Variants in VSX2 observed in about 807,000 individuals in gnomAD.
The protein encoded by VSX2 is ceh-10 homeo domain containing homolog.
A neutral mutation model predicts 32.1 loss-of-function variants in VSX2; 28 were observed. That is an observed-to-expected ratio of 0.87 (90% confidence interval 0.65 to 1.20). The LOEUF (loss-of-function observed/expected upper bound fraction) is 1.20. VSX2 is among the 50% of genes most tolerant of loss of function. The pLI, the probability that VSX2 is intolerant of heterozygous loss-of-function variation, is 0.00. For synonymous variants in VSX2, 243 were observed against 214.1 expected (o/e 1.14, Z -1.18); for missense variants, 506 against 488.7 (o/e 1.04, Z -0.33).
intron 1 of VSX2, among the ~76,000 whole-genome samples, 178 bp downstream of exon 1, chr14:74,240,109 G>C (rs996326631): frequency 6.6e-6 from 1 of 152,216 alleles, no homozygotes; most frequent in African/African-American, 2.4e-5. Flanking sequence ...GGATGCTTCG[G>C]CGTCCGCAGG....
intron 3 of VSX2, among the ~76,000 whole-genome samples, chr14:74,255,912 T>C (rs2079259742): frequency 6.6e-6 from 1 of 152,244 alleles, no homozygotes; most frequent in South Asian, 2.1e-4. Context: ...TTTATCGTTT[T>C]TAGTGTGAAC....
chr14:74,257,202 G>A (rs1167908750), intron 3 of VSX2, among the ~76,000 whole-genome samples: 1 of 152,226 alleles, frequency 6.6e-6, no homozygotes, highest in Non-Finnish European at 1.5e-5. Context: ...ACGCAGGCCC[G>A]AGTTAGCACG....
chr14:74,245,920 G>A (rs11628616), intron 3 of VSX2, among the ~76,000 whole-genome samples: 4,361 of 152,262 alleles, frequency 0.029, 97 homozygotes, highest in Non-Finnish European at 0.044. Context: ...GGCTCACTAA[G>A]CCCTCCTCCT....
At chr14:74,253,080 C>T (rs976359008) in intron 3 of VSX2, among the ~76,000 whole-genome samples, 1 of 149,620 alleles carries the variant, frequency 6.7e-6, no homozygotes, top group South Asian at 2.1e-4. Context: ...AAAAGAGAAA[C>T]CCAGGGTCAT....
At chr14:74,245,069 C>A in intron 2 of VSX2, 96 bp from the exon 3 acceptor site, 2 of 1,557,828 alleles carry the variant, frequency 1.3e-6, no homozygotes, top group Non-Finnish European at 8.7e-7. Flanking sequence ...GGGTTCGGGG[C>A]CTGCCCAGGA....
rs2079311071 is a variant in VSX2, at chr14:74,261,987, G to C, written c.*1068G>C. ...AAGCCAAGCCTGGAGTAGGCCTGGG[G>C]CTATGCATACGCATTAAGGGCCTGC... On this transcript the variant is annotated 3_prime_UTR_variant, in exon 5 of 5. Coordinates refer to ENST00000261980, the MANE Select transcript of VSX2 (RefSeq NM_182894.3). 1 of 151,712 alleles carries C rather than the reference G, an allele frequency of 6.6e-6. No individual in the cohort carries two copies. Among genetic ancestry groups the C allele is most frequent in the South Asian group, 2.1e-4 (1 of 4,832 alleles). 9.4% of individuals were successfully genotyped at this position (151,712 alleles called of 1,614,324 possible).
At chr14:74,240,299 G>T (rs959144700) in intron 1 of VSX2, among the ~76,000 whole-genome samples, 16 of 152,168 alleles carry the variant, frequency 1.1e-4, no homozygotes, top group Non-Finnish European at 1.8e-4. Context: ...CTGCGGCCCC[G>T]GCCTGGTGTA....
intron 3 of VSX2, among the ~76,000 whole-genome samples, chr14:74,250,675 C>T (rs77966642): frequency 6.6e-6 from 1 of 151,604 alleles, no homozygotes; most frequent in East Asian, 1.9e-4. Flanking sequence ...GATCTCATCT[C>T]AGGATGGTTA....
intron 3 of VSX2, among the ~76,000 whole-genome samples, chr14:74,259,344 C>T (rs1214080498): frequency 6.6e-6 from 1 of 152,120 alleles, no homozygotes; most frequent in Non-Finnish European, 1.5e-5. Context: ...ACACTGGGTC[C>T]TGCGCACCTG....
intron 1 of VSX2, among the ~76,000 whole-genome samples, chr14:74,240,491 C>A (rs1175579739): frequency 2.0e-5 from 3 of 152,122 alleles, no homozygotes; most frequent in African/African-American, 7.2e-5. Context: ...GTAAGCGCCA[C>A]TATATACTGG....
In VSX2 at chr14:74,241,181, G is replaced by A. The variant is rs1395124261; in HGVS notation, c.371-1G>A. ...CGCATGTCCCTACGCCCGCTTTTCA[G>A]ATTCTGAAGATGTTTCCTCCAGCGA... On this transcript the variant is annotated splice_acceptor_variant, in intron 1 of 4. Transcript: ENST00000261980. LOFTEE classifies it high-confidence loss of function. The A allele has an allele frequency of 1.2e-6, 2 of 1,613,040 alleles. No individual in the cohort carries two copies. Among genetic ancestry groups the A allele is most frequent in the Non-Finnish European group, 1.7e-6 (2 of 1,179,986 alleles).
At chr14:74,256,612 C>T (rs2079264120) in intron 3 of VSX2, among the ~76,000 whole-genome samples, 1 of 151,934 alleles carries the variant, frequency 6.6e-6, no homozygotes, top group African/African-American at 2.4e-5. Context: ...AATTCCATCA[C>T]CAGGGGATTC....
chr14:74,257,470 A>G (rs1004620072), intron 3 of VSX2, among the ~76,000 whole-genome samples: 13 of 152,238 alleles, frequency 8.5e-5, no homozygotes, highest in Non-Finnish European at 1.3e-4. Flanking sequence ...AAGGCCGTGT[A>G]GCTCCCATGT....
intron 3 of VSX2, among the ~76,000 whole-genome samples, chr14:74,254,390 G>A (rs771976536): frequency 2.1e-5 from 3 of 145,758 alleles, no homozygotes; most frequent in Admixed American, 6.6e-5. Flanking sequence ...CAGCCTGGGC[G>A]ACAGACAGAG....
chr14:74,244,659 C>A (rs2079172276), intron 2 of VSX2, among the ~76,000 whole-genome samples: 1 of 152,002 alleles, frequency 6.6e-6, no homozygotes, highest in African/African-American at 2.4e-5. Context: ...GTAAGCCCCT[C>A]TTCTCTGTGC....
At chr14:74,260,308 T>C (rs1006674861) in intron 4 of VSX2, among the ~76,000 whole-genome samples, 11 of 152,066 alleles carry the variant, frequency 7.2e-5, no homozygotes, top group African/African-American at 2.2e-4. Flanking sequence ...CGGAATCCCA[T>C]GGGGGAGGGA....
chr14:74,260,738 G>A lies in VSX2; in HGVS notation c.905G>A (p.Arg302Lys), dbSNP rs1254437381. The change falls in exon 5 of 5, where the codon AGG (arginine) becomes AAG (lysine). Residue 302 changes from arginine to lysine, a missense_variant. Arg to Lys is a conservative substitution (Grantham distance 26). Coordinates refer to ENST00000261980, the MANE Select transcript of VSX2 (RefSeq NM_182894.3). ...AQAAISQEEL[R>K]ENSIAVLRAK... ...GCGGCCATCTCCCAGGAGGAACTGAGGGAGAACAGCATTGCGGTGCTCCGG... is the reference window on the plus strand; with the variant it reads ...GCGGCCATCTCCCAGGAGGAACTGAAGGAGAACAGCATTGCGGTGCTCCGG... 4 of 1,593,154 alleles carry A rather than the reference G, an allele frequency of 2.5e-6. No individual in the cohort carries two copies. The highest frequency in any genetic ancestry group is 2.6e-6 in the Non-Finnish European group (3 of 1,170,112).
intron 3 of VSX2, 85 bp downstream of exon 3, chr14:74,245,373 C>A: frequency 6.4e-7 from 1 of 1,569,040 alleles, no homozygotes. Flanking sequence ...CCCATGACCC[C>A]GCCTCCCAGC....
In VSX2 at chr14:74,258,422, G is replaced by A. The variant is rs182734652; in HGVS notation, c.580-1180G>A. 6.1e-3 allele frequency among the ~76,000 whole-genome samples: 924 copies of A among 152,272 alleles called. 9 individuals are homozygous for A. Among genetic ancestry groups the A allele is most frequent in the African/African-American group, 0.019 (772 of 41,548 alleles). On this transcript the variant is annotated intron_variant, in intron 3 of 4. Coordinates refer to ENST00000261980, the MANE Select transcript of VSX2 (RefSeq NM_182894.3). Reference sequence around the variant, plus strand: ...GAGGGGGCCCGGAGGGAAGGGCGGCGCCGGCCCAGACCCAGGCAAGGAAAT... The same window carrying A: ...GAGGGGGCCCGGAGGGAAGGGCGGCACCGGCCCAGACCCAGGCAAGGAAAT...
Sources: gnomAD v4.1 joint callset for allele counts (sites outside exome capture counted in the v4.1 genomes callset) on GRCh38, gnomAD v4.1.1 for gene constraint, MANE v1.5 for transcripts, NCBI Gene and HGNC (gene_info 2026-07-23, HGNC 2026-07-21) for gene names.